ZNF469: variants seen among roughly 807,000 people sequenced by gnomAD.
The protein encoded by ZNF469 is zinc finger protein 469.
ZNF469 carries 1 observed loss-of-function variant against 1.0 expected under a neutral mutation model. The ratio of observed to expected loss-of-function variants is 1.00; its 90% confidence interval spans 0.35 to 4.73. The LOEUF is 4.73. ZNF469 is among the 30% of genes most tolerant of loss of function. ZNF469 has a pLI of 0.16. For missense variants in ZNF469, 6,100 were observed against 5,356.3 expected (o/e 1.14, Z -4.33); for synonymous variants, 2,703 against 2,363.4 (o/e 1.14, Z -4.17).
At chr16:88,307,198 A>G in the ZNF469 span, among the ~76,000 whole-genome samples, 1 of 152,248 alleles carries the variant, frequency 6.6e-6, no homozygotes, top group African/African-American at 2.4e-5. Flanking sequence ...TTCTGTGGCT[A>G]AAGAACATTC....
the ZNF469 span, among the ~76,000 whole-genome samples, chr16:88,361,016 C>A: frequency 6.6e-6 from 1 of 152,206 alleles, no homozygotes; most frequent in Non-Finnish European, 1.5e-5. Context: ...AGTAATTATA[C>A]AACTCACCAT....
At chr16:88,147,275 T>C in the ZNF469 span, among the ~76,000 whole-genome samples, 4 of 151,994 alleles carry the variant, frequency 2.6e-5, no homozygotes, top group Admixed American at 2.0e-4. Context: ...CCCTGGAGCC[T>C]CCGGGAGCAG....
the ZNF469 span, among the ~76,000 whole-genome samples, chr16:88,315,528 C>T: frequency 5.9e-5 from 9 of 152,200 alleles, no homozygotes; most frequent in East Asian, 1.9e-4. Context: ...ACCATTTTAT[C>T]GCCATGGTGA....
chr16:88,210,111 A>G, the ZNF469 span, among the ~76,000 whole-genome samples: 12 of 152,326 alleles, frequency 7.9e-5, no homozygotes, highest in South Asian at 2.1e-3. Context: ...TGAGACCGCA[A>G]TGTAGCTCTG....
At position 88,427,376 on chromosome 16, in the gene ZNF469, C is replaced by T. The variant is rs1175902812; in HGVS notation, c.-95C>T. 3 of 1,278,668 alleles carry T rather than the reference C, an allele frequency of 2.3e-6. No individual in the cohort carries two copies. Among genetic ancestry groups the T allele is most frequent in the Non-Finnish European group, 2.1e-6 (2 of 959,818 alleles). The allele number at this position is 1,278,668 out of a possible 1,614,324, so 79.2% of individuals were successfully genotyped here. A position where few individuals can be genotyped will look rare whatever the true frequency, so the allele number is the denominator to read the frequency against. On this transcript the variant is annotated 5_prime_UTR_variant, in exon 3 of 3. Transcript: ENST00000565624. ...CTCAGGACCATGAGCGCAGGCTTCC[C>T]TGGGGCCCATCGAGGGCTGAGGATG...
chr16:88,351,581 C>A, the ZNF469 span, among the ~76,000 whole-genome samples: 4 of 152,124 alleles, frequency 2.6e-5, no homozygotes, highest in East Asian at 7.7e-4. Context: ...GTGTCCTCCG[C>A]GAAAGGACAA....
rs1456770106 is a variant in ZNF469, at chr16:88,435,260, C to T, written c.7790C>T (p.Ala2597Val). 1 of 1,550,232 alleles carries T rather than the reference C, an allele frequency of 6.5e-7. No individual in the cohort carries two copies. The highest frequency in any genetic ancestry group is 2.0e-5 in the Admixed American group (1 of 50,972). ...GCCTCCAAGCCCAGACCAGACCAGG[C>T]CAGGGAAGATGAGCTGCATCCCAAA... ...TPASKPRPDQ[A>V]REDELHPKQA... The change falls in exon 3 of 3, where the codon GCC becomes GTC. Residue 2597 changes from alanine to valine, a missense_variant. Ala to Val is a moderately conservative substitution (Grantham distance 64, BLOSUM62 0). Coordinates refer to ENST00000565624, the MANE Select transcript of ZNF469 (RefSeq NM_001367624.2).
At chr16:88,241,654 G>A in the ZNF469 span, among the ~76,000 whole-genome samples, 2 of 152,042 alleles carry the variant, frequency 1.3e-5, no homozygotes, top group Non-Finnish European at 2.9e-5. This position sits in a 1 kb window ranked among gnomAD's most constrained non-coding sequence, Gnocchi z 4.8. Flanking sequence ...CACCCATCCC[G>A]ATCACACCAC....
chr16:88,170,403 C>A, the ZNF469 span, among the ~76,000 whole-genome samples: 2 of 152,202 alleles, frequency 1.3e-5, no homozygotes, highest in Non-Finnish European at 1.5e-5. This position sits in a 1 kb window ranked among gnomAD's most constrained non-coding sequence, Gnocchi z 4.2. Flanking sequence ...CACTGTACAA[C>A]TGAAAGTTCT....
the ZNF469 span, among the ~76,000 whole-genome samples, chr16:88,136,001 C>T: frequency 2.6e-5 from 4 of 152,002 alleles, no homozygotes; most frequent in African/African-American, 9.7e-5. Context: ...CCTCGTGATC[C>T]ACCCACCTTC....
chr16:88,354,259 G>A, the ZNF469 span, among the ~76,000 whole-genome samples: 1 of 152,210 alleles, frequency 6.6e-6, no homozygotes, highest in African/African-American at 2.4e-5. Context: ...AGGGGGACCA[G>A]GGAGAAGCAA....
the ZNF469 span, among the ~76,000 whole-genome samples, chr16:88,128,035 G>A: frequency 1.3e-4 from 20 of 152,324 alleles, no homozygotes; most frequent in East Asian, 3.9e-4. Flanking sequence ...AGGAGGGGCT[G>A]TGCCCGTTTA....
At chr16:88,125,402 G>C in the ZNF469 span, among the ~76,000 whole-genome samples, 1 of 152,226 alleles carries the variant, frequency 6.6e-6, no homozygotes, top group Admixed American at 6.5e-5. Flanking sequence ...CGGAGAAAGA[G>C]GGAATCCTCC....
chr16:88,234,180 A>G, the ZNF469 span, among the ~76,000 whole-genome samples: 1 of 152,104 alleles, frequency 6.6e-6, no homozygotes, highest in South Asian at 2.1e-4. Flanking sequence ...CGTAGCACCA[A>G]CTTCTTTGAT....
intron 1 of ZNF469, among the ~76,000 whole-genome samples, chr16:88,401,399 A>G (rs7198032): frequency 0.61 from 91,597 of 149,610 alleles, 27,949 homozygotes; most frequent in African/African-American, 0.71. Context: ...TTGCAGGCCC[A>G]AGACCCAGAT....
Position 88,438,173 on chromosome 16 carries a change from A to C in ZNF469, c.10703A>C (p.Asp3568Ala). Residue 3568 changes from aspartate (D) to alanine (A), a missense_variant, in exon 3 of 3, where the codon GAC becomes GCC. By Grantham distance (126) the Asp-to-Ala change is moderately radical. Coordinates refer to ENST00000565624, the MANE Select transcript of ZNF469 (RefSeq NM_001367624.2). ...GCTGCCTTGGCTGATGGCAGAGGAGACTGCGCGCTGGACGGAGCCCTGGAG... is the reference window on the plus strand; with the variant it reads ...GCTGCCTTGGCTGATGGCAGAGGAGCCTGCGCGCTGGACGGAGCCCTGGAG... Reference protein sequence around the residue: ...FPAALADGRGDCALDGALERP... With the variant: ...FPAALADGRGACALDGALERP... 1 of 1,549,556 alleles carries C rather than the reference A, an allele frequency of 6.5e-7. No individual in the cohort carries two copies. Among genetic ancestry groups the C allele is most frequent in the Admixed American group, 2.0e-5 (1 of 50,984 alleles).
At chr16:88,400,926 G>C (rs1181875842) in intron 1 of ZNF469, among the ~76,000 whole-genome samples, 1 of 152,030 alleles carries the variant, frequency 6.6e-6, no homozygotes, top group African/African-American at 2.4e-5. Flanking sequence ...GAGGGGCCCA[G>C]AAACAACCCG....
chr16:88,398,401 A>G (rs7201551), intron 1 of ZNF469, among the ~76,000 whole-genome samples: 3 of 123,360 alleles, frequency 2.4e-5, no homozygotes, highest in East Asian at 2.2e-4. Flanking sequence ...GGGACATGTG[A>G]GCCACAGATG....
In ZNF469 at chr16:88,421,397, T is replaced by G. The variant is rs909615528; in HGVS notation, c.-191-3410T>G. On this transcript the variant is annotated intron_variant, in intron 1 of 2. Transcript: ENST00000565624. ...CCGACTTCAAAGGGGTCCGGCCTACTGAAACCCACACCGACAGGCTGGCAC... is the reference window on the plus strand; with the variant it reads ...CCGACTTCAAAGGGGTCCGGCCTACGGAAACCCACACCGACAGGCTGGCAC... Among the ~76,000 whole-genome samples, 7 of 152,154 alleles carry G rather than the reference T, an allele frequency of 4.6e-5. 1 individual carries two copies. Among genetic ancestry groups the G allele is most frequent in the Admixed American group, 3.3e-4 (5 of 15,282 alleles).
Sources: gnomAD v4.1 joint callset for allele counts (sites outside exome capture counted in the v4.1 genomes callset) on GRCh38, gnomAD v4.1.1 for gene constraint, Gnocchi (gnomAD v3.1) non-coding constraint, MANE v1.5 for transcripts, NCBI Gene and HGNC (gene_info 2026-07-23, HGNC 2026-07-21) for gene names.